Variants in PLEKHF2 observed in about 807,000 individuals in gnomAD.
PLEKHF2 encodes pleckstrin homology and FYVE domain containing 2, also known as pleckstrin homology domain-containing family F member 2.
A neutral mutation model predicts 14.7 loss-of-function variants in PLEKHF2; 4 were observed. The observed-to-expected ratio is 0.27, with a 90% CI of 0.13 to 0.62. The LOEUF (loss-of-function observed/expected upper bound fraction) is 0.62. Among genes scored for constraint, PLEKHF2 ranks in the 20% least tolerant of loss-of-function variants. The probability of loss-of-function intolerance (pLI) is 0.85; values close to 1 mark genes in which losing one functional copy is unlikely to be tolerated. For synonymous variants in PLEKHF2, 90 were observed against 103.5 expected, an observed-to-expected ratio of 0.87 and a Z score of 0.79; for missense variants, 201 against 307.7, an observed-to-expected ratio of 0.65 and a Z score of 2.60.
intron 1 of PLEKHF2, among the ~76,000 whole-genome samples, chr8:95,135,795 T>G (rs1230726044): frequency 6.6e-6 from 1 of 152,234 alleles, no homozygotes; most frequent in African/African-American, 2.4e-5. Context: ...TCCTGTAGCA[T>G]AACTTTGTAG....
At chr8:95,149,517 T>C (rs1268930923) in intron 1 of PLEKHF2, among the ~76,000 whole-genome samples, 1 of 152,174 alleles carries the variant, frequency 6.6e-6, no homozygotes, top group Non-Finnish European at 1.5e-5. Context: ...TAAAGCAAGA[T>C]GCTTTTAAAA....
At chr8:95,142,250 TTTAA>T (rs538486721) in intron 1 of PLEKHF2, among the ~76,000 whole-genome samples, 88 of 152,290 alleles carry the variant, frequency 5.8e-4, no homozygotes, top group Non-Finnish European at 1.0e-3. Context: ...TCAGATATTA[TTTAA>T]TTAATTAATT....
At position 95,136,919 on chromosome 8, in the gene PLEKHF2, C is replaced by G. The variant is rs369080073; in HGVS notation, c.-15+2889C>G. ...GTAATTCTATAATGCCTATAGAATT[C>G]GGGGTTTATTTCCTGCCCCCACCCA... On this transcript the variant is annotated intron_variant, in intron 1 of 1. Transcript: ENST00000315367. 2.1e-4 allele frequency among the ~76,000 whole-genome samples: 32 copies of G among 152,278 alleles called. No homozygotes were observed. The East Asian group carries it at 4.6e-3, about 22-fold the overall frequency.
At chr8:95,137,824 A>G (rs1036894957) in intron 1 of PLEKHF2, among the ~76,000 whole-genome samples, 1 of 152,248 alleles carries the variant, frequency 6.6e-6, no homozygotes, top group African/African-American at 2.4e-5. Context: ...GTTACTTGTC[A>G]TCATTCAGAA....
chr8:95,150,440 C>T (rs1810545010), intron 1 of PLEKHF2, among the ~76,000 whole-genome samples: 2 of 152,120 alleles, frequency 1.3e-5, no homozygotes, highest in East Asian at 1.9e-4. Context: ...AAGAATGCAT[C>T]ATTCATTGTT....
chr8:95,141,578 T>G (rs187958357), intron 1 of PLEKHF2, among the ~76,000 whole-genome samples: 11 of 152,126 alleles, frequency 7.2e-5, no homozygotes, highest in Non-Finnish European at 1.3e-4. Context: ...CAGGCTGGAG[T>G]GCAGTGGCAC....
chr8:95,138,142 T>TA (rs1217971300), intron 1 of PLEKHF2, among the ~76,000 whole-genome samples: 1 of 152,168 alleles, frequency 6.6e-6, no homozygotes, highest in African/African-American at 2.4e-5. Flanking sequence ...GATCATTACA[T>TA]ACTTGTTTTC....
chr8:95,152,706 CA>C (rs1810576149), intron 1 of PLEKHF2, among the ~76,000 whole-genome samples: 1 of 151,940 alleles, frequency 6.6e-6, no homozygotes, highest in South Asian at 2.1e-4. Context: ...TTGTGGAGGA[CA>C]AGAGGGCTTT....
intron 1 of PLEKHF2, among the ~76,000 whole-genome samples, chr8:95,143,790 C>G (rs568408864): frequency 6.6e-6 from 1 of 152,284 alleles, no homozygotes; most frequent in Non-Finnish European, 1.5e-5. Flanking sequence ...GCTTTGAATA[C>G]CAAGTTAAGG....
intron 1 of PLEKHF2, 25 bp downstream of exon 1, chr8:95,134,055 C>G (rs1018556752): frequency 2.0e-5 from 3 of 151,586 alleles, no homozygotes; most frequent in South Asian, 2.0e-4. Context: ...GGTGGGTGGT[C>G]CGCCGGCTCC....
chr8:95,148,290 G>C (rs962806918), intron 1 of PLEKHF2, among the ~76,000 whole-genome samples: 2 of 151,920 alleles, frequency 1.3e-5, no homozygotes, highest in South Asian at 2.1e-4. Flanking sequence ...TTTCGACCCA[G>C]ATAGTCAATT....
intron 1 of PLEKHF2, among the ~76,000 whole-genome samples, chr8:95,146,107 G>A (rs533403198): frequency 6.6e-6 from 1 of 152,034 alleles, no homozygotes; most frequent in African/African-American, 2.4e-5. Context: ...AAATTAACTT[G>A]TAGACAAGTA....
chr8:95,135,339 C>G (rs13280952), intron 1 of PLEKHF2, among the ~76,000 whole-genome samples: 2 of 152,072 alleles, frequency 1.3e-5, no homozygotes, highest in Non-Finnish European at 2.9e-5. Flanking sequence ...CTTTTTAGAT[C>G]TAAAAATACA....
At chr8:95,140,283 G>C (rs1810427089) in intron 1 of PLEKHF2, among the ~76,000 whole-genome samples, 1 of 152,126 alleles carries the variant, frequency 6.6e-6, no homozygotes, top group Non-Finnish European at 1.5e-5. Context: ...TATCTGCTAT[G>C]CCTCAGTTAT....
intron 1 of PLEKHF2, among the ~76,000 whole-genome samples, chr8:95,137,550 T>G (rs1810389500): frequency 6.6e-6 from 1 of 152,250 alleles, no homozygotes; most frequent in African/African-American, 2.4e-5. Context: ...AACCTTTGAT[T>G]TAACTCAATT....
intron 1 of PLEKHF2, among the ~76,000 whole-genome samples, chr8:95,143,378 C>T (rs931483126): frequency 3.9e-5 from 6 of 152,182 alleles, no homozygotes; most frequent in African/African-American, 9.6e-5. Context: ...GGATTACAGG[C>T]GTGGGACACC....
chr8:95,146,851 G>T (rs1422702444), intron 1 of PLEKHF2, among the ~76,000 whole-genome samples: 2 of 151,692 alleles, frequency 1.3e-5, no homozygotes, highest in African/African-American at 4.8e-5. Flanking sequence ...GAAATTAATG[G>T]AATTCTATGA....
chr8:95,136,229 A>G (rs1198087691), intron 1 of PLEKHF2, among the ~76,000 whole-genome samples: 1 of 152,032 alleles, frequency 6.6e-6, no homozygotes, highest in African/African-American at 2.4e-5. Flanking sequence ...ATTTCTTTTG[A>G]AATTGTAAAT....
At chr8:95,139,673 A>G (rs1048710748) in intron 1 of PLEKHF2, among the ~76,000 whole-genome samples, 2 of 152,166 alleles carry the variant, frequency 1.3e-5, no homozygotes, top group Non-Finnish European at 2.9e-5. Flanking sequence ...TTTCACTATT[A>G]GAGTTAATGC....
Sources: gnomAD v4.1 joint callset for allele counts (sites outside exome capture counted in the v4.1 genomes callset) on GRCh38, gnomAD v4.1.1 for gene constraint, MANE v1.5 for transcripts, NCBI Gene and HGNC (gene_info 2026-07-23, HGNC 2026-07-21) for gene names.